SERPINA12: variants seen among roughly 807,000 people sequenced by gnomAD.
SERPINA12 encodes the protein serpin family A member 12, also known as serpin A12.
SERPINA12 carries 21 observed loss-of-function variants against 25.9 expected under a neutral mutation model. The ratio of observed to expected loss-of-function variants is 0.81; its 90% CI spans 0.58 to 1.17. SERPINA12 has a LOEUF of 1.17. SERPINA12 is among the 50% of genes most tolerant of loss of function. SERPINA12 has a pLI of 0.00. For synonymous variants in SERPINA12, 220 were observed against 196.0 expected (o/e 1.12, Z -1.02); for missense variants, 562 against 508.3 (o/e 1.11, Z -1.02).
At chr14:94,511,673 C>T (rs1595701816), upstream of SERPINA12, 5 of 985,454 alleles carry the variant, frequency 5.1e-6, no homozygotes, top group Non-Finnish European at 6.0e-6. Context: ...GCCTTTCCCT[C>T]ATCCTCCTTT....
intron 3 of SERPINA12, among the ~76,000 whole-genome samples, chr14:94,495,350 G>C (rs375222366): frequency 1.3e-5 from 2 of 152,128 alleles, no homozygotes; most frequent in African/African-American, 4.8e-5. Context: ...TTACAGGCGT[G>C]AGCCACCGCG....
At chr14:94,515,301 C>T (rs965098093) in intron 2 of SERPINA12, among the ~76,000 whole-genome samples, 4 of 152,154 alleles carry the variant, frequency 2.6e-5, no homozygotes, top group African/African-American at 9.7e-5. Flanking sequence ...AGACCTAGGG[C>T]TGTCTGGGTG....
intron 1 of SERPINA12, among the ~76,000 whole-genome samples, chr14:94,506,614 T>G (rs1429105215): frequency 6.6e-6 from 1 of 152,238 alleles, no homozygotes; most frequent in East Asian, 1.9e-4. Flanking sequence ...TATATGTGAC[T>G]TTGGGCTTCT....
At chr14:94,493,703 G>A (rs1002706818) in intron 3 of SERPINA12, among the ~76,000 whole-genome samples, 7 of 151,974 alleles carry the variant, frequency 4.6e-5, no homozygotes, top group African/African-American at 1.5e-4. Flanking sequence ...ACAAGACGCC[G>A]CTTCTGTGCG....
At chr14:94,488,940 C>CA (rs1329182629) in intron 4 of SERPINA12, among the ~76,000 whole-genome samples, 2 of 151,810 alleles carry the variant, frequency 1.3e-5, no homozygotes, top group African/African-American at 4.8e-5. Flanking sequence ...ACTAAAAATA[C>CA]AAAAAAATTA....
chr14:94,500,839 C>T, intron 1 of SERPINA12: 3 of 985,322 alleles, frequency 3.0e-6, no homozygotes, highest in Non-Finnish European at 3.6e-6. Flanking sequence ...ATGGTCACTT[C>T]CTTGAAGCCA....
intron 1 of SERPINA12, among the ~76,000 whole-genome samples, chr14:94,498,788 C>G (rs1296069943): frequency 6.6e-6 from 1 of 152,308 alleles, no homozygotes; most frequent in African/African-American, 2.4e-5. Flanking sequence ...TACTTCATTC[C>G]TTTGCCACAC....
At chr14:94,492,222 C>G (rs562186412) in intron 3 of SERPINA12, among the ~76,000 whole-genome samples, 34 of 152,216 alleles carry the variant, frequency 2.2e-4, no homozygotes, top group Non-Finnish European at 2.1e-4. Flanking sequence ...GAAGTGGGTG[C>G]AGAAGCTGGA....
At chr14:94,517,782 C>T (rs757447981) in exon 1 of SERPINA12, 1 of 152,254 alleles carries the variant, frequency 6.6e-6, no homozygotes, top group African/African-American at 2.4e-5. Context: ...GTTCAGTCCC[C>T]TCAGATGCCA....
At chr14:94,511,732 T>C (rs1901115964), upstream of SERPINA12, 2 of 985,118 alleles carry the variant, frequency 2.0e-6, no homozygotes, top group East Asian at 1.1e-4. Context: ...GCAGATTGAA[T>C]GTCTATAATG....
chr14:94,509,279 A>AACACACACAC (rs3065835), intron 1 of SERPINA12, among the ~76,000 whole-genome samples, 63 bp downstream of exon 1: 2,971 of 134,660 alleles, frequency 0.022, 43 homozygotes, highest in Middle Eastern at 0.03. Flanking sequence ...AGAAACAGAC[A>AACACACACAC]ACACACACAC....
chr14:94,498,218 G>T lies in SERPINA12; in HGVS notation c.180C>A (p.Leu60=). The T allele has an allele frequency of 6.2e-7, 1 of 1,614,204 alleles. No homozygotes were observed. The highest frequency in any genetic ancestry group is 2.2e-5 in the East Asian group (1 of 44,880). The part of the protein sequence containing the change: ...RQNMDLGFKL[L]KKLAFYNPGR... ...CAGGGTTGTAAAAGGCCAGCTTCTTGAGCAGCTTAAAGCCTAAGTCCATGT... is the reference window on the plus strand; with the variant it reads ...CAGGGTTGTAAAAGGCCAGCTTCTTTAGCAGCTTAAAGCCTAAGTCCATGT... Residue 60 remains leucine (L), a synonymous_variant, in exon 2 of 5, where the codon CTC becomes CTA. Transcript: ENST00000677451.
chr14:94,510,395 G>A (rs1901078272), upstream of SERPINA12: 1 of 292,542 alleles, frequency 3.4e-6, no homozygotes, highest in African/African-American at 2.3e-5. Context: ...AAACCACAAT[G>A]AGATACCACC....
chr14:94,501,856 G>A (rs1900741489), intron 1 of SERPINA12, among the ~76,000 whole-genome samples: 1 of 152,098 alleles, frequency 6.6e-6, no homozygotes, highest in Non-Finnish European at 1.5e-5. Context: ...CTTTCCATCT[G>A]TCATCACGGG....
chr14:94,489,531 T>C, intron 4 of SERPINA12, 89 bp downstream of exon 4: 1 of 1,465,102 alleles, frequency 6.8e-7, no homozygotes, highest in Non-Finnish European at 9.2e-7. Flanking sequence ...GAGTCTCGGC[T>C]CTGACAGCCA....
At chr14:94,508,832 G>C (rs1226296066) in intron 1 of SERPINA12, among the ~76,000 whole-genome samples, 1 of 152,162 alleles carries the variant, frequency 6.6e-6, no homozygotes, top group Non-Finnish European at 1.5e-5. Flanking sequence ...TTGAAACATT[G>C]TGGGTGGGGG....
upstream of SERPINA12, among the ~76,000 whole-genome samples, chr14:94,512,712 G>A (rs1595702145): frequency 6.6e-6 from 1 of 152,142 alleles, no homozygotes; most frequent in Admixed American, 6.5e-5. Flanking sequence ...AAAATCAAAT[G>A]TTAAGGATGG....
intron 3 of SERPINA12, among the ~76,000 whole-genome samples, chr14:94,492,625 G>A (rs1320111352): frequency 6.6e-6 from 1 of 152,246 alleles, no homozygotes; most frequent in African/African-American, 2.4e-5. Flanking sequence ...CTAGGGTGAT[G>A]TTCCTGAGTA....
intron 3 of SERPINA12, among the ~76,000 whole-genome samples, chr14:94,495,580 A>T (rs1001102922): frequency 1.3e-5 from 2 of 152,148 alleles, no homozygotes; most frequent in Non-Finnish European, 2.9e-5. Context: ...CTTAGTAAAT[A>T]CCTTTATGGA....
Sources: allele counts gnomAD v4.1 joint callset (sites outside exome capture counted in the v4.1 genomes callset), GRCh38; gene constraint gnomAD v4.1.1; transcripts MANE v1.5; gene names NCBI Gene and HGNC (gene_info 2026-07-23, HGNC 2026-07-21).